SLC7A7: variants seen among roughly 807,000 people sequenced by gnomAD.
SLC7A7 encodes Y+L amino acid transporter 1.
SLC7A7 carries 39 observed loss-of-function variants against 47.9 expected under a neutral mutation model. The observed-to-expected ratio is 0.81, with a 90% CI of 0.63 to 1.06. The LOEUF is 1.06. Ranked by LOEUF, SLC7A7 falls within the 50% of genes least tolerant of loss-of-function variation. The pLI is 0.00. For synonymous variants in SLC7A7, 234 were observed against 242.8 expected (o/e 0.96, Z 0.34); for missense variants, 588 against 632.0 (o/e 0.93, Z 0.75).
intron 2 of SLC7A7, among the ~76,000 whole-genome samples, chr14:22,782,093 A>C (rs1280910753): frequency 6.6e-6 from 1 of 151,828 alleles, no homozygotes; most frequent in Non-Finnish European, 1.5e-5. Flanking sequence ...TTTATATTTT[A>C]TTTTATTTAT....
intron 2 of SLC7A7, among the ~76,000 whole-genome samples, chr14:22,783,942 C>G (rs959697056): frequency 6.6e-6 from 1 of 152,222 alleles, no homozygotes; most frequent in Non-Finnish European, 1.5e-5. Context: ...AGCCTAGCTT[C>G]CTCCAGGGCC....
rs544268962 is a variant in SLC7A7 at position 22,780,203 on chromosome 14, GC to G, written c.500-153del. On this transcript the variant is annotated intron_variant, in intron 2 of 9. Transcript: ENST00000674313. ...CCTGCTCTGCACTGGAACCCTCGGG[GC>G]CCCAGAATGTCCTCACCATTATCAT... 1.9e-3 allele frequency: 1,609 copies of G among 860,424 alleles called. 33 individuals are homozygous for G. In the South Asian group the frequency reaches 0.025, roughly 13 times the overall value. The allele number at this position is 860,424 out of a possible 1,614,324, so 53.3% of individuals were successfully genotyped here.
intron 2 of SLC7A7, among the ~76,000 whole-genome samples, chr14:22,806,802 G>A (rs1198459371): frequency 1.3e-5 from 2 of 152,114 alleles, no homozygotes; most frequent in Non-Finnish European, 2.9e-5. Flanking sequence ...GCAACATACT[G>A]GGGTGGAAAC....
At chr14:22,788,136 C>A (rs979990280) in intron 2 of SLC7A7, among the ~76,000 whole-genome samples, 4 of 152,124 alleles carry the variant, frequency 2.6e-5, no homozygotes, top group Non-Finnish European at 5.9e-5. Context: ...CACTGTAGAC[C>A]TTTCTGTATT....
intron 2 of SLC7A7, among the ~76,000 whole-genome samples, chr14:22,785,335 T>A (rs1174437782): frequency 6.6e-6 from 1 of 152,172 alleles, no homozygotes; most frequent in Non-Finnish European, 1.5e-5. Flanking sequence ...GCCAACAGCG[T>A]CTTCCTCCCA....
intron 1 of SLC7A7, among the ~76,000 whole-genome samples, chr14:22,814,424 C>T (rs28485487): frequency 0.019 from 2,902 of 151,556 alleles, 100 homozygotes; most frequent in African/African-American, 0.066. Context: ...GCAGAGGTTG[C>T]GGTAAGCTAA....
In SLC7A7 at chr14:22,775,477, C is replaced by T; in HGVS notation, c.1062G>A (p.Glu354=). The change falls in exon 7 of 10, where the codon GAG becomes GAA. Residue 354 remains glutamate, a synonymous_variant. Coordinates refer to ENST00000674313, the MANE Select transcript of SLC7A7 (RefSeq NM_003982.4). The part of the protein sequence containing the change: ...LPDAICMIHV[E]RFTPVPSLLF... Reference sequence around the variant, plus strand: ...GCAGAGAAGGCACTGGTGTGAACCGCTCAACATGGATCATGCAGATGGCAT... The same window carrying T: ...GCAGAGAAGGCACTGGTGTGAACCGTTCAACATGGATCATGCAGATGGCAT... 1 of 1,614,160 alleles carries T rather than the reference C, an allele frequency of 6.2e-7. No individual in the cohort carries two copies. Among genetic ancestry groups the T allele is most frequent in the Non-Finnish European group, 8.5e-7 (1 of 1,180,020 alleles).
At chr14:22,779,321 C>T (rs543240300) in intron 3 of SLC7A7, among the ~76,000 whole-genome samples, 1 of 152,208 alleles carries the variant, frequency 6.6e-6, no homozygotes, top group East Asian at 1.9e-4. Flanking sequence ...GGCTGTCAAC[C>T]CTTTGCCAAG....
chr14:22,783,518 A>G (rs1268419824), intron 2 of SLC7A7, among the ~76,000 whole-genome samples: 8 of 151,312 alleles, frequency 5.3e-5, no homozygotes, highest in Non-Finnish European at 1.2e-4. Context: ...CTCCTGCCTC[A>G]GCCTCCCGAG....
chr14:22,782,888 T>G (rs1288537418), intron 2 of SLC7A7, among the ~76,000 whole-genome samples: 5 of 150,942 alleles, frequency 3.3e-5, no homozygotes, highest in African/African-American at 1.2e-4. Flanking sequence ...TCAGCCACCC[T>G]AGTAGCTGGG....
Position 22,774,502 on chromosome 14 carries a change from C to T in SLC7A7, c.1097G>A (p.Gly366Asp). ...FTPVPSLLFN[G>D]IMALIYLCVE... ...GCACAAGTAGATCAATGCCATGATA[C>T]CCTGTAAGCGTGAGCCTAAGTCAGC... Residue 366 changes from glycine to aspartate, a missense_variant and splice_region_variant, in exon 8 of 10, where the codon GGT becomes GAT. Gly to Asp is a moderately conservative substitution (Grantham distance 94). Transcript: ENST00000674313. 1.2e-6 allele frequency: 2 copies of T among 1,614,132 alleles called. No homozygotes were observed. The highest frequency in any genetic ancestry group is 1.7e-6 in the Non-Finnish European group (2 of 1,180,022).
upstream of SLC7A7, chr14:22,816,110 G>A (rs2039403860): frequency 6.0e-6 from 1 of 167,458 alleles, no homozygotes; most frequent in African/African-American, 2.4e-5. Context: ...TTTCATTCTT[G>A]ACAAAACATA....
intron 2 of SLC7A7, among the ~76,000 whole-genome samples, chr14:22,811,594 G>A (rs1203965281): frequency 2.0e-5 from 3 of 152,110 alleles, no homozygotes; most frequent in Non-Finnish European, 4.4e-5. Flanking sequence ...TCACGCCTGT[G>A]ATCCCAACAC....
chr14:22,795,797 T>C (rs545565268), intron 2 of SLC7A7, among the ~76,000 whole-genome samples: 27 of 152,234 alleles, frequency 1.8e-4, no homozygotes, highest in African/African-American at 6.0e-4. Context: ...CTCCAGATGA[T>C]TCCAATCCAC....
At chr14:22,791,875 C>T (rs925246982) in intron 2 of SLC7A7, among the ~76,000 whole-genome samples, 15 of 149,122 alleles carry the variant, frequency 1.0e-4, no homozygotes, top group Non-Finnish European at 1.5e-5. Context: ...CGCTCTGTCG[C>T]CCAGGCTGGA....
At chr14:22,809,482 A>G (rs1378584848) in intron 2 of SLC7A7, among the ~76,000 whole-genome samples, 2 of 151,996 alleles carry the variant, frequency 1.3e-5, no homozygotes, top group African/African-American at 2.4e-5. Flanking sequence ...CTGGGACTAT[A>G]GGCACGCACC....
intron 4 of SLC7A7, among the ~76,000 whole-genome samples, chr14:22,777,328 G>T (rs527593280): frequency 6.6e-6 from 1 of 152,198 alleles, no homozygotes; most frequent in South Asian, 2.1e-4. Flanking sequence ...AATATAAAAA[G>T]AAATTATGGA....
At chr14:22,792,125 G>GCGCC (rs1348006022) in intron 2 of SLC7A7, among the ~76,000 whole-genome samples, 6 of 151,634 alleles carry the variant, frequency 4.0e-5, no homozygotes, top group Non-Finnish European at 7.4e-5. Flanking sequence ...TTGAGCCACC[G>GCGCC]CGCCCGGCCT....
upstream of SLC7A7, chr14:22,816,227 C>T (rs1242184984): frequency 3.2e-5 from 5 of 157,148 alleles, no homozygotes; most frequent in South Asian, 1.8e-4. Flanking sequence ...CGCGGTGGCT[C>T]ACGCCTGTAA....
Sources: allele counts gnomAD v4.1 joint callset (sites outside exome capture counted in the v4.1 genomes callset), GRCh38; gene constraint gnomAD v4.1.1; transcripts MANE v1.5; gene names NCBI Gene and HGNC (gene_info 2026-07-23, HGNC 2026-07-21).